PABPC4L: variants seen among roughly 807,000 people sequenced by gnomAD.
PABPC4L encodes poly(A) binding protein cytoplasmic 4 like.
For missense variants in PABPC4L, 452 were observed against 451.4 expected (o/e 1.00, Z -0.01); for synonymous variants, 169 against 164.1 (o/e 1.03, Z -0.23).
chr4:134,160,012 C>A, the PABPC4L span, among the ~76,000 whole-genome samples: 1 of 151,990 alleles, frequency 6.6e-6, no homozygotes, highest in South Asian at 2.1e-4. Context: ...GTTTATAGAC[C>A]CACCCTGGGA....
At chr4:134,138,273 A>G in the PABPC4L span, among the ~76,000 whole-genome samples, 2 of 152,024 alleles carry the variant, frequency 1.3e-5, no homozygotes, top group Middle Eastern at 6.8e-3. Context: ...TACTCATTAC[A>G]CATTTATTAA....
the PABPC4L span, among the ~76,000 whole-genome samples, chr4:134,174,884 T>C: frequency 6.6e-6 from 1 of 152,186 alleles, no homozygotes; most frequent in Non-Finnish European, 1.5e-5. Flanking sequence ...ATTTCTCTCA[T>C]TTTCTCTAAA....
At chr4:133,963,507 C>G in the PABPC4L span, among the ~76,000 whole-genome samples, 1 of 152,032 alleles carries the variant, frequency 6.6e-6, no homozygotes, top group African/African-American at 2.4e-5. Flanking sequence ...GAGATATATA[C>G]AGAACATTCC....
the PABPC4L span, among the ~76,000 whole-genome samples, chr4:134,128,476 T>A: frequency 6.6e-6 from 1 of 152,170 alleles, no homozygotes; most frequent in Admixed American, 6.6e-5. Context: ...CCCTACAGAC[T>A]AGAAGAGACT....
chr4:134,026,711 A>G, the PABPC4L span, among the ~76,000 whole-genome samples: 7 of 152,264 alleles, frequency 4.6e-5, no homozygotes, highest in Non-Finnish European at 1.0e-4. Context: ...GAGATAATGA[A>G]GTTAAAGTGA....
the PABPC4L span, among the ~76,000 whole-genome samples, chr4:134,059,378 GAAAC>G: frequency 1.6e-5 from 2 of 122,484 alleles, no homozygotes; most frequent in African/African-American, 2.8e-5. Flanking sequence ...AACAATTTAG[GAAAC>G]AAACTATATA....
chr4:134,150,664 T>C, the PABPC4L span, among the ~76,000 whole-genome samples: 4 of 152,158 alleles, frequency 2.6e-5, no homozygotes, highest in African/African-American at 9.7e-5. Flanking sequence ...TCACCTGGAC[T>C]CCTGGTACAA....
At chr4:133,960,251 CAA>C in the PABPC4L span, among the ~76,000 whole-genome samples, 2 of 152,200 alleles carry the variant, frequency 1.3e-5, no homozygotes, top group African/African-American at 4.8e-5. Flanking sequence ...TGTGAGTGCC[CAA>C]ACTGCAGAAG....
At chr4:134,171,259 G>T in the PABPC4L span, among the ~76,000 whole-genome samples, 6 of 152,140 alleles carry the variant, frequency 3.9e-5, no homozygotes, top group African/African-American at 1.4e-4. Flanking sequence ...GAGATTACAG[G>T]TGCATGCCAT....
chr4:134,022,433 C>A, the PABPC4L span, among the ~76,000 whole-genome samples: 101,289 of 151,936 alleles, frequency 0.67, 34,904 homozygotes, highest in East Asian at 0.99. Context: ...CATGCACGCA[C>A]ACACGCACAC....
chr4:133,994,026 C>T, the PABPC4L span, among the ~76,000 whole-genome samples: 1 of 152,150 alleles, frequency 6.6e-6, no homozygotes, highest in African/African-American at 2.4e-5. Context: ...AGGCTCCAAC[C>T]TCAGCTCTTT....
At chr4:133,977,062 A>G in the PABPC4L span, among the ~76,000 whole-genome samples, 1 of 152,050 alleles carries the variant, frequency 6.6e-6, no homozygotes, top group Non-Finnish European at 1.5e-5. Context: ...ACATTTAAGT[A>G]TTTAATCCAT....
chr4:133,954,634 A>G, the PABPC4L span, among the ~76,000 whole-genome samples: 1 of 152,148 alleles, frequency 6.6e-6, no homozygotes, highest in Non-Finnish European at 1.5e-5. Flanking sequence ...CTAGGCCTAG[A>G]ATTCTTGTTT....
At chr4:134,085,361 A>G in the PABPC4L span, among the ~76,000 whole-genome samples, 2 of 152,176 alleles carry the variant, frequency 1.3e-5, no homozygotes, top group African/African-American at 2.4e-5. Flanking sequence ...ATACACATGT[A>G]CATATACAAA....
At chr4:133,963,836 G>A in the PABPC4L span, among the ~76,000 whole-genome samples, 1 of 152,054 alleles carries the variant, frequency 6.6e-6, no homozygotes, top group African/African-American at 2.4e-5. Flanking sequence ...AGTGCTAAGA[G>A]GAAACTTGAT....
chr4:134,148,316 G>A, the PABPC4L span, among the ~76,000 whole-genome samples: 15 of 152,054 alleles, frequency 9.9e-5, no homozygotes. Context: ...ATCCCTTAAT[G>A]TTATTTATGG....
chr4:134,022,002 T>C, the PABPC4L span, among the ~76,000 whole-genome samples: 7 of 152,120 alleles, frequency 4.6e-5, no homozygotes, highest in South Asian at 2.1e-4. Context: ...AACTGAGGTA[T>C]TGGAGGCAAT....
chr4:134,030,283 A>G, the PABPC4L span, among the ~76,000 whole-genome samples: 2 of 152,066 alleles, frequency 1.3e-5, no homozygotes. Context: ...AAAAAGATAG[A>G]AAAATGTGGG....
chr4:133,962,825 G>C, the PABPC4L span, among the ~76,000 whole-genome samples: 269 of 152,166 alleles, frequency 1.8e-3, 2 homozygotes, highest in African/African-American at 6.2e-3. Context: ...CCACTACCAA[G>C]CCAACACTAC....
Sources: gnomAD v4.1 joint callset for allele counts (sites outside exome capture counted in the v4.1 genomes callset) on GRCh38, gnomAD v4.1.1 for gene constraint, MANE v1.5 for transcripts, NCBI Gene and HGNC (gene_info 2026-07-23, HGNC 2026-07-21) for gene names.